SND1: variants seen among roughly 807,000 people sequenced by gnomAD.
SND1 encodes staphylococcal nuclease and tudor domain containing 1, also known as staphylococcal nuclease domain-containing protein 1.
A neutral mutation model predicts 121.7 loss-of-function variants in SND1; 38 were observed. That is an observed-to-expected ratio of 0.31 (90% CI 0.24 to 0.41). The LOEUF is 0.41. Ranked by LOEUF, SND1 falls within the 10% of genes least tolerant of loss-of-function variation. SND1 has a pLI of 1.00. For synonymous variants in SND1, 401 were observed against 447.4 expected, an observed-to-expected ratio of 0.90 and a Z score of 1.31; for missense variants, 868 against 1,184.6, an observed-to-expected ratio of 0.73 and a Z score of 3.92.
chr7:128,082,821 C>T (rs1306747588), intron 18 of SND1, among the ~76,000 whole-genome samples: 1 of 152,214 alleles, frequency 6.6e-6, no homozygotes, highest in Admixed American at 6.5e-5. Context: ...CGATCACTCC[C>T]AGGCAGGCTC....
intron 16 of SND1, among the ~76,000 whole-genome samples, chr7:128,049,638 G>C (rs962122617): frequency 6.6e-6 from 1 of 152,188 alleles, no homozygotes; most frequent in African/African-American, 2.4e-5. Flanking sequence ...CGTGGACCTT[G>C]GAATCAGAGA....
intron 22 of SND1, among the ~76,000 whole-genome samples, 192 bp from the exon 23 acceptor site, chr7:128,091,645 C>T (rs996911474): frequency 2.0e-5 from 3 of 152,066 alleles, no homozygotes; most frequent in South Asian, 2.1e-4. Context: ...AGAGCTAGTG[C>T]GAAGAGTTAA....
intron 10 of SND1, among the ~76,000 whole-genome samples, chr7:127,773,463 A>C (rs1424729167): frequency 1.3e-5 from 2 of 152,188 alleles, no homozygotes; most frequent in Non-Finnish European, 2.9e-5. Context: ...AAAAAAAAAA[A>C]AAATTCTTAT....
At chr7:127,810,407 A>G (rs1798315344) in intron 11 of SND1, among the ~76,000 whole-genome samples, 1 of 152,188 alleles carries the variant, frequency 6.6e-6, no homozygotes, top group African/African-American at 2.4e-5. Context: ...TGCCTAGTAG[A>G]ACTCTCTTCC....
chr7:127,999,370 T>A (rs1052992357), intron 16 of SND1: 3 of 145,594 alleles, frequency 2.1e-5, no homozygotes, highest in Non-Finnish European at 4.5e-5. Flanking sequence ...ATCAATTTGT[T>A]TTTCTTAATG....
At chr7:127,708,828 G>T (rs904062590) in intron 9 of SND1, among the ~76,000 whole-genome samples, 1 of 152,144 alleles carries the variant, frequency 6.6e-6, no homozygotes, top group Non-Finnish European at 1.5e-5. Context: ...GTTTTTATGG[G>T]CTAAAAGTGG....
At chr7:127,896,900 T>C (rs1484635508) in intron 13 of SND1, among the ~76,000 whole-genome samples, 1 of 152,138 alleles carries the variant, frequency 6.6e-6, no homozygotes, top group Admixed American at 6.6e-5. Context: ...CTGAGTGGAT[T>C]GGAGAGCTGA....
Position 127,844,237 on chromosome 7 carries a change from T to A in SND1, c.1243-87T>A, listed in dbSNP as rs908871611. ...AGAAAACCAAACTGGAGTGAGCTGA[T>A]CTTTCACAGTTGAGCAGGCACATGT... is the stretch of plus-strand genomic sequence containing the variant. On this transcript the variant is annotated intron_variant, in intron 11 of 23. Transcript: ENST00000354725. 5 of 955,412 alleles carry A rather than the reference T, an allele frequency of 5.2e-6. No individual in the cohort carries two copies. The African/African-American group carries it at 6.6e-5, about 13-fold the overall frequency. The allele number at this position is 955,412 out of a possible 1,614,324, so 59.2% of individuals were successfully genotyped here.
intron 11 of SND1, among the ~76,000 whole-genome samples, chr7:127,842,171 T>C (rs933476902): frequency 2.6e-5 from 4 of 152,208 alleles, no homozygotes; most frequent in South Asian, 2.1e-4. Flanking sequence ...AACTCCATGC[T>C]TCTGCAATAT....
chr7:127,868,340 G>T (rs1249716934), intron 12 of SND1, among the ~76,000 whole-genome samples: 1 of 152,184 alleles, frequency 6.6e-6, no homozygotes, highest in Non-Finnish European at 1.5e-5. Context: ...AACTGTGATT[G>T]CACCACTGCA....
intron 15 of SND1, among the ~76,000 whole-genome samples, chr7:127,972,560 T>C (rs1802020910): frequency 1.3e-5 from 2 of 151,984 alleles, no homozygotes; most frequent in South Asian, 4.1e-4. Context: ...CCTGGCCCTA[T>C]CTTTGAACTT....
Position 127,921,274 on chromosome 7 carries a change from G to C in SND1, c.1528-7914G>C, listed in dbSNP as rs570415103. Among the ~76,000 whole-genome samples, 33 of 152,250 alleles carry C rather than the reference G, an allele frequency of 2.2e-4. No homozygotes were observed. In the South Asian group the frequency reaches 4.4e-3, roughly 20 times the overall value. On this transcript the variant is annotated intron_variant, in intron 14 of 23. Transcript: ENST00000354725. ...CTTTTAGCTATTGCCCAAGAGTTTA[G>C]ACTTTCTTAAGCTGCTTTTGTGGAA...
intron 12 of SND1, among the ~76,000 whole-genome samples, chr7:127,868,856 T>C (rs1220225344): frequency 6.6e-6 from 1 of 152,138 alleles, no homozygotes; most frequent in African/African-American, 2.4e-5. Flanking sequence ...AGTTTGTGGG[T>C]ATTTTTTTTC....
At chr7:127,839,406 A>C (rs1009404830) in intron 11 of SND1, among the ~76,000 whole-genome samples, 2 of 152,176 alleles carry the variant, frequency 1.3e-5, no homozygotes, top group African/African-American at 2.4e-5. Flanking sequence ...CTCAGGCTAC[A>C]ACCTGGAAAT....
At chr7:127,871,031 T>TTTTC (rs1799575667) in intron 12 of SND1, among the ~76,000 whole-genome samples, 1 of 152,166 alleles carries the variant, frequency 6.6e-6, no homozygotes, top group African/African-American at 2.4e-5. Flanking sequence ...TGTTGAAAAG[T>TTTTC]AAGACACAAA....
At chr7:127,980,916 G>T (rs1445766145) in intron 15 of SND1, among the ~76,000 whole-genome samples, 1 of 148,444 alleles carries the variant, frequency 6.7e-6, no homozygotes, top group African/African-American at 2.4e-5. Context: ...AATTAACATG[G>T]AATAAAAAAG....
chr7:127,694,740 C>G lies in SND1; in HGVS notation c.229-88C>G. 5 of 1,500,908 alleles carry G rather than the reference C, an allele frequency of 3.3e-6. No homozygotes were observed. The South Asian group carries it at 6.1e-5, about 18-fold the overall frequency. 93.0% of individuals were successfully genotyped at this position (1,500,908 alleles called of 1,614,324 possible). A position where few individuals can be genotyped will look rare whatever the true frequency, so the allele number is the denominator to read the frequency against. On this transcript the variant is annotated intron_variant, in intron 2 of 23. Coordinates refer to ENST00000354725, the MANE Select transcript of SND1 (RefSeq NM_014390.4). ...GCCAGGACCATGGTAGGTACTCAGA[C>G]ATTTACTGAAGGTATGAAGTTGCTT...
Position 128,039,881 on chromosome 7 carries a change from G to T in SND1, c.1780-34621G>T, listed in dbSNP as rs149724334. Among the ~76,000 whole-genome samples the T allele has an allele frequency of 1.9e-3, 282 of 152,258 alleles. 1 individual carries two copies. Among genetic ancestry groups the T allele is most frequent in the Middle Eastern group, 6.8e-3 (2 of 294 alleles). On this transcript the variant is annotated intron_variant, in intron 16 of 23. Transcript: ENST00000354725. ...ATCACCACTAGCAGCAGTAAAGGGC[G>T]CCCCATTACCTCGCTTTATGGAGAG...
chr7:127,731,349 A>G (rs1319225067), intron 10 of SND1, among the ~76,000 whole-genome samples: 2 of 152,252 alleles, frequency 1.3e-5, no homozygotes. Flanking sequence ...GAGACTTGAC[A>G]TCGCTCAAAG....
Sources: gnomAD v4.1 joint callset for allele counts (sites outside exome capture counted in the v4.1 genomes callset) on GRCh38, gnomAD v4.1.1 for gene constraint, MANE v1.5 for transcripts, NCBI Gene and HGNC (gene_info 2026-07-23, HGNC 2026-07-21) for gene names.